CHMP4B: variants seen among roughly 807,000 people sequenced by gnomAD.
The protein encoded by CHMP4B is SNF7 homolog associated with Alix 1.
A neutral mutation model predicts 25.1 loss-of-function variants in CHMP4B; 1 was observed. That is an observed-to-expected ratio of 0.04 (90% CI 0.01 to 0.19). The LOEUF is 0.19. CHMP4B is among the 10% of genes least tolerant of loss of function. The pLI is 1.00. For missense variants in CHMP4B, 151 were observed against 289.7 expected, an observed-to-expected ratio of 0.52 and a Z score of 3.48; for synonymous variants, 101 against 115.6, an observed-to-expected ratio of 0.87 and a Z score of 0.81.
intron 1 of CHMP4B, among the ~76,000 whole-genome samples, chr20:33,830,323 G>T (rs939301300): frequency 1.3e-5 from 2 of 152,200 alleles, no homozygotes; most frequent in Admixed American, 1.3e-4. Context: ...GGATACTGTG[G>T]CCAGGCTGAA....
At position 33,848,483 on chromosome 20, in the gene CHMP4B, G is replaced by A; in HGVS notation, c.207G>A (p.Leu69=). The change falls in exon 2 of 5, where the codon CTG becomes CTA. Residue 69 remains leucine, a synonymous_variant. Transcript: ENST00000217402. ...CTCACGCAGCGGCCCTCCAGGCACT[G>A]AAGCGTAAGAAGAGGTATGAGAAGC... ...TKNKRAALQA[L]KRKKRYEKQL... is the part of the protein sequence containing the mutation. 1 of 1,614,222 alleles carries A rather than the reference G, an allele frequency of 6.2e-7. No homozygotes were observed. Among genetic ancestry groups the A allele is most frequent in the Non-Finnish European group, 8.5e-7 (1 of 1,180,050 alleles).
chr20:33,843,747 T>C (rs1378016776), intron 1 of CHMP4B, among the ~76,000 whole-genome samples: 1 of 152,214 alleles, frequency 6.6e-6, no homozygotes, highest in Non-Finnish European at 1.5e-5. Context: ...GAGCCTTTAG[T>C]TTGCCCTGTT....
rs376233320 is a variant in CHMP4B at position 33,853,630 on chromosome 20, T to A, written c.*70T>A. On this transcript the variant is annotated 3_prime_UTR_variant, in exon 5 of 5. Transcript: ENST00000217402. ...CGCAGCGAGCAGGCGTGTGCGTGTG[T>A]GGGGCAGGCAGGATGTGGTGCAGGC... 18 of 1,389,488 alleles carry A rather than the reference T, an allele frequency of 1.3e-5. No individual in the cohort carries two copies. In the African/African-American group the frequency reaches 2.4e-4, roughly 19 times the overall value. The allele number at this position is 1,389,488 out of a possible 1,614,324, so 86.1% of individuals were successfully genotyped here.
intron 4 of CHMP4B, 83 bp from the exon 5 acceptor site, chr20:33,853,413 T>C: frequency 7.8e-7 from 1 of 1,289,472 alleles, no homozygotes; most frequent in Middle Eastern, 1.8e-4. Flanking sequence ...ACAGACACCA[T>C]GGAGCACAGG....
At chr20:33,848,325 T>G in intron 1 of CHMP4B, 142 bp from the exon 2 acceptor site, 1 of 828,662 alleles carries the variant, frequency 1.2e-6, no homozygotes, top group Non-Finnish European at 2.0e-6. Context: ...GAATGTGCTC[T>G]TTGTGTAGAA....
At chr20:33,832,504 G>C (rs532746850) in intron 1 of CHMP4B, among the ~76,000 whole-genome samples, 2 of 152,242 alleles carry the variant, frequency 1.3e-5, no homozygotes, top group South Asian at 4.2e-4. Flanking sequence ...AAATATAACT[G>C]TCTTTCCATG....
rs759643012 is a variant in CHMP4B, at chr20:33,848,446, CCT to C, written c.191-20_191-19del. ...ACCCTGTGCCGGGACTCTCTGAAAC[CCT>C]GTTTTCTCCCTCACGCAGCGGCCCT... On this transcript the variant is annotated intron_variant, in intron 1 of 4. Coordinates refer to ENST00000217402, the MANE Select transcript of CHMP4B (RefSeq NM_176812.5). 16 of 1,613,368 alleles carry C rather than the reference CCT, an allele frequency of 9.9e-6. No homozygotes were observed. The African/African-American group carries it at 1.9e-4, about 19-fold the overall frequency.
At chr20:33,839,069 A>T (rs1979465508) in intron 1 of CHMP4B, among the ~76,000 whole-genome samples, 2 of 152,150 alleles carry the variant, frequency 1.3e-5, no homozygotes, top group Admixed American at 1.3e-4. Flanking sequence ...CCCTAATAAT[A>T]ATCCCCTGAC....
At chr20:33,846,995 C>T (rs2122812948) in intron 1 of CHMP4B, among the ~76,000 whole-genome samples, 1 of 152,232 alleles carries the variant, frequency 6.6e-6, no homozygotes, top group Non-Finnish European at 1.5e-5. Flanking sequence ...AAGAGAAAAA[C>T]CATATTTAGT....
chr20:33,838,063 G>A (rs530595718), intron 1 of CHMP4B, among the ~76,000 whole-genome samples: 1 of 152,262 alleles, frequency 6.6e-6, no homozygotes, highest in East Asian at 1.9e-4. Context: ...CTAGAAGCCA[G>A]ATTCGGAATC....
intron 1 of CHMP4B, among the ~76,000 whole-genome samples, chr20:33,839,112 T>G (rs1979466214): frequency 6.6e-6 from 1 of 152,168 alleles, no homozygotes; most frequent in African/African-American, 2.4e-5. Flanking sequence ...AATTCCAGTG[T>G]GGGTTGACAC....
intron 1 of CHMP4B, among the ~76,000 whole-genome samples, chr20:33,833,811 A>T (rs1979319967): frequency 6.6e-6 from 1 of 152,180 alleles, no homozygotes. Context: ...CATCCACAGT[A>T]AGTGTCCTGT....
intron 1 of CHMP4B, among the ~76,000 whole-genome samples, chr20:33,822,891 T>A (rs545994019): frequency 6.6e-6 from 1 of 152,004 alleles, no homozygotes; most frequent in African/African-American, 2.4e-5. Flanking sequence ...ACCTCCTGGG[T>A]TCATGCCATT....
At chr20:33,832,963 T>G (rs1257358476) in intron 1 of CHMP4B, among the ~76,000 whole-genome samples, 1 of 151,774 alleles carries the variant, frequency 6.6e-6, no homozygotes, top group Non-Finnish European at 1.5e-5. Context: ...AAAATTTTTT[T>G]TTTTTTGTAG....
chr20:33,826,906 G>A (rs1223376114), intron 1 of CHMP4B, among the ~76,000 whole-genome samples: 2 of 152,172 alleles, frequency 1.3e-5, no homozygotes, highest in East Asian at 3.8e-4. Flanking sequence ...AACTCAGTTA[G>A]TTGTGATCTT....
intron 1 of CHMP4B, among the ~76,000 whole-genome samples, chr20:33,821,056 A>G (rs1011820933): frequency 1.3e-5 from 2 of 152,216 alleles, no homozygotes; most frequent in Non-Finnish European, 2.9e-5. Flanking sequence ...AAACCTGAGC[A>G]GTGGATTCTC....
At chr20:33,832,397 AG>A (rs1320386424) in intron 1 of CHMP4B, among the ~76,000 whole-genome samples, 16 of 152,106 alleles carry the variant, frequency 1.1e-4, no homozygotes, top group African/African-American at 3.6e-4. Context: ...CGGGTGGGGG[AG>A]GAGCTCAATC....
rs949853634 is a variant in CHMP4B at position 33,819,490 on chromosome 20, G to A, written c.190+7832G>A. Among the ~76,000 whole-genome samples the A allele has an allele frequency of 4.6e-5, 7 of 152,298 alleles. No homozygotes were observed. In the South Asian group the frequency reaches 1.0e-3, roughly 23 times the overall value. ...AAGAGTCTTAGCTGAAGGATTGAAT[G>A]ATTTAAGTTCTTAACAAGAGCATCT... On this transcript the variant is annotated intron_variant, in intron 1 of 4. Coordinates refer to ENST00000217402, the MANE Select transcript of CHMP4B (RefSeq NM_176812.5).
intron 2 of CHMP4B, 64 bp from the exon 3 acceptor site, chr20:33,850,888 G>C (rs1473350873): frequency 1.7e-6 from 2 of 1,190,706 alleles, no homozygotes; most frequent in Non-Finnish European, 2.5e-6. Flanking sequence ...CTCCCGCCTT[G>C]CCTTGCAGGC....
Sources: gnomAD v4.1 joint callset for allele counts (sites outside exome capture counted in the v4.1 genomes callset) on GRCh38, gnomAD v4.1.1 for gene constraint, MANE v1.5 for transcripts, NCBI Gene and HGNC (gene_info 2026-07-23, HGNC 2026-07-21) for gene names.